C2CD5: variants seen among roughly 807,000 people sequenced by gnomAD.
C2CD5 encodes C2 domain-containing protein 5.
Under a neutral mutation model 130.3 loss-of-function variants are expected in C2CD5, and 109 were observed. The observed-to-expected ratio is 0.84, with a 90% CI of 0.72 to 0.98. The LOEUF (loss-of-function observed/expected upper bound fraction) is 0.98. C2CD5 is among the 50% of genes least tolerant of loss of function. The probability of loss-of-function intolerance (pLI) is 0.00; values close to 1 mark genes in which losing one functional copy is unlikely to be tolerated. For missense variants in C2CD5, 996 were observed against 1,261.8 expected (o/e 0.79, Z 3.19); for synonymous variants, 454 against 429.2 (o/e 1.06, Z -0.71).
At chr12:22,532,502 T>G (rs183885481) in intron 3 of C2CD5, among the ~76,000 whole-genome samples, 1 of 152,210 alleles carries the variant, frequency 6.6e-6, no homozygotes, top group Admixed American at 6.5e-5. Context: ...ATCTGCAAAT[T>G]AGCAGGCACC....
chr12:22,499,147 T>C (rs931541234), intron 10 of C2CD5, among the ~76,000 whole-genome samples: 1 of 152,176 alleles, frequency 6.6e-6, no homozygotes, highest in South Asian at 2.1e-4. Flanking sequence ...CAAATAAACT[T>C]GAGTTTCCAA....
intron 10 of C2CD5, among the ~76,000 whole-genome samples, chr12:22,505,246 CTT>C (rs1948345295): frequency 6.9e-6 from 1 of 144,540 alleles, no homozygotes; most frequent in South Asian, 2.2e-4. Context: ...TTTTACCCTT[CTT>C]TCTTTCTTTT....
At chr12:22,536,300 G>C (rs1187727633) in intron 2 of C2CD5, among the ~76,000 whole-genome samples, 1 of 152,134 alleles carries the variant, frequency 6.6e-6, no homozygotes, top group African/African-American at 2.4e-5. Context: ...GACTCACTTT[G>C]TACCTTTTGA....
chr12:22,523,111 G>C (rs377294997), intron 7 of C2CD5, among the ~76,000 whole-genome samples: 1 of 152,158 alleles, frequency 6.6e-6, no homozygotes, highest in African/African-American at 2.4e-5. Flanking sequence ...CTACTCAGGC[G>C]GCTGAGGTGG....
intron 3 of C2CD5, among the ~76,000 whole-genome samples, chr12:22,531,636 T>G (rs963824020): frequency 3.3e-5 from 5 of 152,200 alleles, no homozygotes; most frequent in African/African-American, 1.2e-4. Context: ...CTTAGAGAGA[T>G]CCATTTGCTT....
intron 14 of C2CD5, among the ~76,000 whole-genome samples, chr12:22,479,013 G>T (rs929283277): frequency 6.6e-6 from 1 of 152,094 alleles, no homozygotes; most frequent in Admixed American, 6.6e-5. Flanking sequence ...GTGGGAGACA[G>T]TTACGAAATG....
At chr12:22,453,840 G>A in intron 26 of C2CD5, 56 bp downstream of exon 26, 1 of 1,539,740 alleles carries the variant, frequency 6.5e-7, no homozygotes. Context: ...GGGGTAGGAA[G>A]CCATGGAAGA....
intron 16 of C2CD5, among the ~76,000 whole-genome samples, chr12:22,474,524 AT>A (rs1318699495): frequency 6.6e-6 from 1 of 152,196 alleles, no homozygotes; most frequent in African/African-American, 2.4e-5. Flanking sequence ...CAACCCATAC[AT>A]TAACTTTTTC....
At chr12:22,455,886 T>G (rs1018732095) in intron 25 of C2CD5, among the ~76,000 whole-genome samples, 3 of 152,148 alleles carry the variant, frequency 2.0e-5, no homozygotes, top group African/African-American at 7.2e-5. Context: ...GGTTTCGTCA[T>G]GTTGGTCAGG....
rs188977886 is a variant in C2CD5, at chr12:22,505,771, A to G, written c.1147+940T>C. On this transcript the variant is annotated intron_variant, in intron 10 of 26. Coordinates refer to ENST00000446597, the MANE Select transcript of C2CD5 (RefSeq NM_001286176.2). ...TACTCGCTTTTATAATTATGGTCCT[A>G]TGTTTTAAAGAAGTAAGCTACTATT... 1.1e-3 allele frequency among the ~76,000 whole-genome samples: 169 copies of G among 152,288 alleles called. 1 individual carries two copies. Among genetic ancestry groups the G allele is most frequent in the Middle Eastern group, 3.4e-3 (1 of 294 alleles).
At chr12:22,462,251 G>A (rs868774778) in intron 22 of C2CD5, among the ~76,000 whole-genome samples, 40 of 152,138 alleles carry the variant, frequency 2.6e-4, no homozygotes, top group Admixed American at 3.9e-4. Flanking sequence ...TCACTTGTGT[G>A]CCATTTGTAG....
At position 22,472,364 on chromosome 12, in the gene C2CD5, T is replaced by A; in HGVS notation, c.2108-17A>T. The A allele has an allele frequency of 8.4e-7, 1 of 1,188,098 alleles. No individual in the cohort carries two copies. 73.6% of individuals were successfully genotyped at this position (1,188,098 alleles called of 1,614,324 possible). On this transcript the variant is annotated splice_polypyrimidine_tract_variant and intron_variant, in intron 17 of 26. Transcript: ENST00000446597. ...TATAAAAGCCTGTCAAAATAAATTG[T>A]AATCAAAATATATGATAATATTTCA...
intron 8 of C2CD5, among the ~76,000 whole-genome samples, chr12:22,517,134 T>C (rs764912505): frequency 2.0e-5 from 3 of 151,940 alleles, no homozygotes; most frequent in African/African-American, 2.4e-5. Flanking sequence ...GTTTTATAAA[T>C]TTCTTTTCTA....
In C2CD5 at chr12:22,513,377, T is replaced by C; in HGVS notation, c.955A>G (p.Met319Val). Residue 319 changes from methionine to valine, a missense_variant and splice_region_variant, in exon 9 of 27, where the codon ATG becomes GTG. Around this residue, in one of 9 missense-constraint regions of C2CD5, gnomAD observed 156 missense variants for 165.9 expected, o/e 0.94. Coordinates refer to ENST00000446597, the MANE Select transcript of C2CD5 (RefSeq NM_001286176.2). ...TCTTTTCCAGCACTACCACTTCCCA[T>C]TCCTACAGAACATCAGTACATAAAT... Reference protein sequence around the residue: ...TDLSLTPKTGMGSGSAGKEGG... With the variant: ...TDLSLTPKTGVGSGSAGKEGG... 2.5e-6 allele frequency: 4 copies of C among 1,604,288 alleles called. No homozygotes were observed. The highest frequency in any genetic ancestry group is 2.2e-5 in the South Asian group (2 of 90,876).
chr12:22,543,716 G>A (rs563869977), intron 2 of C2CD5, among the ~76,000 whole-genome samples: 3 of 152,142 alleles, frequency 2.0e-5, no homozygotes, highest in Non-Finnish European at 4.4e-5. Context: ...ATTTGTGTGT[G>A]TGTGTGTGTA....
At chr12:22,520,642 T>TA (rs1291548278) in intron 7 of C2CD5, among the ~76,000 whole-genome samples, 2 of 152,098 alleles carry the variant, frequency 1.3e-5, no homozygotes, top group Admixed American at 6.5e-5. Flanking sequence ...CAAAAAGAAT[T>TA]AAAAAATCCA....
At position 22,527,710 on chromosome 12, in the gene C2CD5, T is replaced by C. The variant is rs761545671; in HGVS notation, c.349+11A>G. On this transcript the variant is annotated intron_variant, in intron 4 of 26. Transcript: ENST00000446597. Reference sequence around the variant, plus strand: ...GATTGTTATTTATAATACTTTCTTATTATTCCTTACCATGTATGGTGTCAT... The same window carrying C: ...GATTGTTATTTATAATACTTTCTTACTATTCCTTACCATGTATGGTGTCAT... The C allele has an allele frequency of 3.6e-6, 5 of 1,408,348 alleles. No individual in the cohort carries two copies. Among genetic ancestry groups the C allele is most frequent in the Non-Finnish European group, 4.9e-6 (5 of 1,023,172 alleles). The allele number at this position is 1,408,348 out of a possible 1,614,324, so 87.2% of individuals were successfully genotyped here.
chr12:22,489,563 G>A (rs61921405), intron 12 of C2CD5, among the ~76,000 whole-genome samples: 1 of 152,000 alleles, frequency 6.6e-6, no homozygotes, highest in Non-Finnish European at 1.5e-5. Flanking sequence ...GGGAGAATGT[G>A]CATAGGTTAC....
chr12:22,534,569 C>A (rs1951647830), intron 3 of C2CD5: 1 of 152,048 alleles, frequency 6.6e-6, no homozygotes, highest in African/African-American at 2.4e-5. Context: ...CATACACATA[C>A]AATGGGTTAT....
Sources: allele counts gnomAD v4.1 joint callset (sites outside exome capture counted in the v4.1 genomes callset), GRCh38; gene constraint gnomAD v4.1.1; regional missense constraint gnomAD v4.1.1; transcripts MANE v1.5; gene names NCBI Gene and HGNC (gene_info 2026-07-23, HGNC 2026-07-21).